Variants in ZNRF3 observed in about 807,000 individuals in gnomAD.
ZNRF3 encodes the protein E3 ubiquitin-protein ligase ZNRF3.
In ZNRF3, 23 loss-of-function variants were observed where a neutral mutation model predicts 72.5. The observed-to-expected ratio is 0.32, with a 90% confidence interval of 0.23 to 0.45. The LOEUF is 0.45. ZNRF3 is among the 20% of genes least tolerant of loss of function. The pLI, the probability that ZNRF3 is intolerant of heterozygous loss-of-function variation, is 1.00. For missense variants in ZNRF3, 1,169 were observed against 1,272.1 expected (o/e 0.92, Z 1.23); for synonymous variants, 610 against 545.3 (o/e 1.12, Z -1.65).
intron 1 of ZNRF3, among the ~76,000 whole-genome samples, chr22:28,901,309 T>C (rs768080926): frequency 3.3e-5 from 5 of 152,120 alleles, no homozygotes; most frequent in Middle Eastern, 3.2e-3. Context: ...AGTTGTGCGG[T>C]GCATAAGGCC....
At chr22:28,932,802 C>T (rs1033554181) in intron 1 of ZNRF3, among the ~76,000 whole-genome samples, 4 of 152,202 alleles carry the variant, frequency 2.6e-5, no homozygotes, top group African/African-American at 7.2e-5. Flanking sequence ...AGGAGCTCTG[C>T]ACTTGATCTC....
At chr22:29,005,805 G>A (rs1317558059) in intron 2 of ZNRF3, among the ~76,000 whole-genome samples, 1 of 152,184 alleles carries the variant, frequency 6.6e-6, no homozygotes, top group African/African-American at 2.4e-5. Flanking sequence ...GCCAGGCGAG[G>A]TGGGCGGATC....
chr22:28,915,922 A>C (rs900429118), intron 1 of ZNRF3, among the ~76,000 whole-genome samples: 1 of 152,182 alleles, frequency 6.6e-6, no homozygotes, highest in African/African-American at 2.4e-5. Flanking sequence ...TTTACGTTAG[A>C]GTTAGTAAGT....
intron 2 of ZNRF3, among the ~76,000 whole-genome samples, chr22:28,994,120 A>G (rs1296009615): frequency 7.7e-6 from 1 of 130,602 alleles, no homozygotes; most frequent in Non-Finnish European, 1.6e-5. Context: ...GTTGACTCTT[A>G]TTGTCCATCT....
rs563459735 is a variant in ZNRF3, at chr22:29,040,493, CT to C, written c.427-1990del. Among the ~76,000 whole-genome samples, 1,004 of 145,294 alleles carry C rather than the reference CT, an allele frequency of 6.9e-3. 3 individuals are homozygous for C. Among genetic ancestry groups the C allele is most frequent in the African/African-American group, 0.014 (544 of 40,008 alleles). ...ACCATGCCCAGCCATCCCCCACCGC[CT>C]TTTTTTTTTTTAACAGATGGGGAAA... On this transcript the variant is annotated intron_variant, in intron 2 of 8. Transcript: ENST00000544604.
chr22:28,933,752 ACTCTCTCTCT>A (rs372627987), intron 1 of ZNRF3, among the ~76,000 whole-genome samples: 2 of 40,862 alleles, frequency 4.9e-5, no homozygotes, highest in African/African-American at 2.6e-4. Flanking sequence ...ACACACACTC[ACTCTCTCTCT>A]CTCTCTCTCT....
At chr22:28,896,016 T>C (rs950011710) in intron 1 of ZNRF3, among the ~76,000 whole-genome samples, 64 of 152,248 alleles carry the variant, frequency 4.2e-4, no homozygotes, top group Non-Finnish European at 2.1e-4. Flanking sequence ...AGTGGAGTGA[T>C]CTTGGCTCAC....
intron 5 of ZNRF3, among the ~76,000 whole-genome samples, chr22:29,045,140 C>T (rs2037041795): frequency 6.6e-6 from 1 of 152,046 alleles, no homozygotes; most frequent in Admixed American, 6.6e-5. Flanking sequence ...GCAGGCAGAT[C>T]ACTTGAGCTC....
chr22:29,041,169 A>G (rs1374058940), intron 2 of ZNRF3, among the ~76,000 whole-genome samples: 3 of 152,128 alleles, frequency 2.0e-5, no homozygotes, highest in African/African-American at 7.2e-5. Flanking sequence ...TTTTGTGGAG[A>G]CAGGGTCTTG....
At chr22:28,961,003 C>T (rs890469541) in intron 1 of ZNRF3, among the ~76,000 whole-genome samples, 3 of 152,216 alleles carry the variant, frequency 2.0e-5, no homozygotes, top group African/African-American at 7.2e-5. Flanking sequence ...CTATCTCAGT[C>T]TGTTCCTTTT....
chr22:28,998,377 C>A (rs2036083960), intron 2 of ZNRF3, among the ~76,000 whole-genome samples: 1 of 152,094 alleles, frequency 6.6e-6, no homozygotes, highest in African/African-American at 2.4e-5. Context: ...CATACTGCTA[C>A]CAAGCAGATG....
At chr22:28,990,282 G>A (rs894090243) in intron 2 of ZNRF3, among the ~76,000 whole-genome samples, 3 of 152,154 alleles carry the variant, frequency 2.0e-5, no homozygotes, top group African/African-American at 7.2e-5. Flanking sequence ...ATTCTAGTTC[G>A]GAGAGATTCT....
chr22:29,023,666 G>C (rs563796580), intron 2 of ZNRF3, among the ~76,000 whole-genome samples: 417 of 152,338 alleles, frequency 2.7e-3, no homozygotes, highest in Non-Finnish European at 3.5e-3. Context: ...CCCAGGAATA[G>C]AGAAGTAGGA....
At position 29,017,947 on chromosome 22, in the gene ZNRF3, T is replaced by C. The variant is rs2036464950; in HGVS notation, c.427-24548T>C. 21 of 518,490 alleles carry C rather than the reference T, an allele frequency of 4.1e-5. 1 individual carries two copies. The highest frequency in any genetic ancestry group is 2.9e-4 in the South Asian group (21 of 71,516). 32.1% of individuals were successfully genotyped at this position (518,490 alleles called of 1,614,324 possible). A position where few individuals can be genotyped will look rare whatever the true frequency, so the allele number is the denominator to read the frequency against. ...AAGCGCTTTGAGAGGTAATCAAGGG[T>C]CCAGGACAGCAGTTGAGGTAACATG... On this transcript the variant is annotated intron_variant, in intron 2 of 8. Coordinates refer to ENST00000544604, the MANE Select transcript of ZNRF3 (RefSeq NM_001206998.2).
At chr22:28,899,669 CTTTCT>C (rs1456073783) in intron 1 of ZNRF3, among the ~76,000 whole-genome samples, 1 of 148,544 alleles carries the variant, frequency 6.7e-6, no homozygotes, top group Non-Finnish European at 1.5e-5. Flanking sequence ...AGTTAATTTT[CTTTCT>C]TTTCTTCTTT....
At chr22:28,895,675 A>G (rs2033980968) in intron 1 of ZNRF3, among the ~76,000 whole-genome samples, 1 of 152,086 alleles carries the variant, frequency 6.6e-6, no homozygotes, top group African/African-American at 2.4e-5. Context: ...TCAAAAAAAA[A>G]GAAAATGCTG....
intron 2 of ZNRF3, among the ~76,000 whole-genome samples, chr22:29,035,703 G>A (rs1243967121): frequency 2.0e-5 from 3 of 152,198 alleles, no homozygotes; most frequent in Non-Finnish European, 4.4e-5. Flanking sequence ...AGCCTCCTGA[G>A]TAGCTGGGAC....
chr22:28,941,712 C>T (rs2034950631), intron 1 of ZNRF3, among the ~76,000 whole-genome samples: 1 of 151,950 alleles, frequency 6.6e-6, no homozygotes, highest in Non-Finnish European at 1.5e-5. Context: ...GGCCCAAAGT[C>T]CTCAAGTGAC....
intron 1 of ZNRF3, among the ~76,000 whole-genome samples, chr22:28,916,728 C>T (rs759744949): frequency 1.4e-4 from 22 of 152,100 alleles, no homozygotes; most frequent in Non-Finnish European, 2.6e-4. Context: ...TTATTCTGGC[C>T]GCTGTCCCTT....
Sources: gnomAD v4.1 joint callset for allele counts (sites outside exome capture counted in the v4.1 genomes callset) on GRCh38, gnomAD v4.1.1 for gene constraint, MANE v1.5 for transcripts, NCBI Gene and HGNC (gene_info 2026-07-23, HGNC 2026-07-21) for gene names.